Variants in DPYD observed in about 807,000 individuals in gnomAD.
DPYD encodes the protein dihydropyrimidine dehydrogenase [NADP(+)].
DPYD carries 109 observed loss-of-function variants against 116.2 expected under a neutral mutation model. The ratio of observed to expected loss-of-function variants is 0.94; its 90% confidence interval spans 0.80 to 1.10. The LOEUF is 1.10. DPYD is among the 50% of genes least tolerant of loss of function. The probability of loss-of-function intolerance (pLI) is 0.00; values close to 1 mark genes in which losing one functional copy is unlikely to be tolerated. For synonymous variants in DPYD, 440 were observed against 432.0 expected, an observed-to-expected ratio of 1.02 and a Z score of -0.23; for missense variants, 1,302 against 1,254.5, an observed-to-expected ratio of 1.04 and a Z score of -0.57.
At chr1:97,114,046 T>C (rs1469737400) in intron 20 of DPYD, among the ~76,000 whole-genome samples, 3 of 152,160 alleles carry the variant, frequency 2.0e-5, no homozygotes, top group Non-Finnish European at 4.4e-5. Flanking sequence ...GGAAATTACA[T>C]CATCATTCCT....
intron 14 of DPYD, among the ~76,000 whole-genome samples, chr1:97,439,017 T>C (rs1281978926): frequency 1.3e-5 from 2 of 152,150 alleles, no homozygotes; most frequent in East Asian, 3.8e-4. Context: ...GGCTTTGTTG[T>C]ACATACCCTT....
chr1:97,310,730 C>T (rs559130034), intron 16 of DPYD, among the ~76,000 whole-genome samples: 60 of 151,642 alleles, frequency 4.0e-4, no homozygotes, highest in Non-Finnish European at 1.3e-4. Context: ...CTAATTAACC[C>T]AGAAATTCAA....
intron 2 of DPYD, among the ~76,000 whole-genome samples, chr1:97,837,795 C>CT (rs1200405989): frequency 6.6e-6 from 1 of 152,086 alleles, no homozygotes; most frequent in African/African-American, 2.4e-5. Flanking sequence ...GTGATAATGA[C>CT]TTTTTAAAAA....
intron 2 of DPYD, among the ~76,000 whole-genome samples, chr1:97,852,720 C>T (rs919877676): frequency 6.6e-6 from 1 of 152,112 alleles, no homozygotes; most frequent in East Asian, 1.9e-4. Flanking sequence ...AGATTTTCTT[C>T]TTCAAGGATG....
At chr1:97,099,952 A>T (rs1650544864) in intron 20 of DPYD, among the ~76,000 whole-genome samples, 1 of 152,104 alleles carries the variant, frequency 6.6e-6, no homozygotes, top group Non-Finnish European at 1.5e-5. Flanking sequence ...TTCCATTATC[A>T]ATTCATTATA....
chr1:97,350,012 T>C (rs904551851), intron 16 of DPYD, among the ~76,000 whole-genome samples: 1 of 147,518 alleles, frequency 6.8e-6, no homozygotes, highest in African/African-American at 2.5e-5. Context: ...AGAAGAAATA[T>C]GTAATTAAAG....
chr1:97,288,549 A>G (rs1369700282), intron 18 of DPYD, among the ~76,000 whole-genome samples: 1 of 152,062 alleles, frequency 6.6e-6, no homozygotes, highest in Non-Finnish European at 1.5e-5. Context: ...AAACTGCTCA[A>G]CTACACGGAA....
At chr1:97,512,703 T>C (rs1647894367) in intron 13 of DPYD, among the ~76,000 whole-genome samples, 1 of 151,916 alleles carries the variant, frequency 6.6e-6, no homozygotes, top group South Asian at 2.1e-4. Context: ...CACTTCTCTG[T>C]TTTGTCATGA....
chr1:97,519,135 C>A (rs1648457885), intron 12 of DPYD, among the ~76,000 whole-genome samples: 1 of 151,858 alleles, frequency 6.6e-6, no homozygotes, highest in Admixed American at 6.6e-5. Flanking sequence ...TTTTAAAAGC[C>A]ATGTGTGTTA....
At chr1:97,715,134 T>A (rs933419550) in intron 5 of DPYD, among the ~76,000 whole-genome samples, 1 of 152,136 alleles carries the variant, frequency 6.6e-6, no homozygotes, top group Admixed American at 6.6e-5. Context: ...TCACTTTGAT[T>A]CTTAGTTTCC....
At chr1:97,654,701 AAAT>A (rs1198828051) in intron 8 of DPYD, among the ~76,000 whole-genome samples, 6 of 152,212 alleles carry the variant, frequency 3.9e-5, no homozygotes, top group African/African-American at 1.4e-4. Flanking sequence ...ATTAAATGGT[AAAT>A]AATAATTAAA....
intron 1 of DPYD, among the ~76,000 whole-genome samples, chr1:97,902,349 G>A (rs1055315374): frequency 6.6e-6 from 1 of 151,676 alleles, no homozygotes; most frequent in African/African-American, 2.4e-5. Context: ...CATTGCCTAC[G>A]AGCCTACTTC....
intron 11 of DPYD, among the ~76,000 whole-genome samples, chr1:97,559,466 T>G (rs1288899325): frequency 1.3e-5 from 2 of 152,160 alleles, no homozygotes; most frequent in Admixed American, 1.3e-4. Context: ...TATGTATCCA[T>G]GTAATGTGTG....
chr1:97,873,452 T>C (rs181530569), intron 2 of DPYD, among the ~76,000 whole-genome samples: 4 of 152,064 alleles, frequency 2.6e-5, no homozygotes, highest in African/African-American at 9.6e-5. Flanking sequence ...TTCATATATA[T>C]ATATAAACAA....
intron 19 of DPYD, among the ~76,000 whole-genome samples, chr1:97,231,836 G>T (rs1025941680): frequency 2.5e-4 from 38 of 152,224 alleles, no homozygotes; most frequent in African/African-American, 8.7e-4. Context: ...TTCCATGTGT[G>T]ACTTGCCCAT....
chr1:97,117,213 A>T (rs899873124), intron 20 of DPYD, among the ~76,000 whole-genome samples: 5 of 152,138 alleles, frequency 3.3e-5, no homozygotes, highest in African/African-American at 1.2e-4. Context: ...GACAGGTTGA[A>T]TGTGCTAACA....
chr1:97,867,758 C>T (rs1010914484), intron 2 of DPYD, among the ~76,000 whole-genome samples: 45 of 151,814 alleles, frequency 3.0e-4, no homozygotes, highest in African/African-American at 6.3e-4. Flanking sequence ...AAGCTCACAA[C>T]GAACATCATA....
intron 15 of DPYD, among the ~76,000 whole-genome samples, chr1:97,381,800 C>A (rs1671985226): frequency 6.6e-6 from 1 of 152,068 alleles, no homozygotes; most frequent in Non-Finnish European, 1.5e-5. Context: ...ATGTATTTTT[C>A]TATTTGAAAT....
chr1:97,820,394 T>A (rs951710870), intron 3 of DPYD, among the ~76,000 whole-genome samples: 1 of 152,184 alleles, frequency 6.6e-6, no homozygotes, highest in Admixed American at 6.5e-5. Flanking sequence ...TAGATTGCTA[T>A]TTATATTGCT....
Sources: gnomAD v4.1 joint callset for allele counts (sites outside exome capture counted in the v4.1 genomes callset) on GRCh38, gnomAD v4.1.1 for gene constraint, MANE v1.5 for transcripts, NCBI Gene and HGNC (gene_info 2026-07-23, HGNC 2026-07-21) for gene names.